PLPP4: variants seen among roughly 807,000 people sequenced by gnomAD.
PLPP4 encodes the protein diacylglycerol pyrophosphate like 2.
In PLPP4, 20 loss-of-function variants were observed where a neutral mutation model predicts 32.2. That is an observed-to-expected ratio of 0.62 (90% confidence interval 0.44 to 0.90). The LOEUF (loss-of-function observed/expected upper bound fraction) is 0.90. PLPP4 is among the 40% of genes least tolerant of loss of function. The pLI is 0.00. For missense variants in PLPP4, 257 were observed against 353.1 expected (o/e 0.73, Z 2.18); for synonymous variants, 127 against 133.0 (o/e 0.95, Z 0.31).
chr10:120,473,742 T>C (rs1387647922), intron 1 of PLPP4, among the ~76,000 whole-genome samples: 2 of 152,120 alleles, frequency 1.3e-5, no homozygotes, highest in Non-Finnish European at 2.9e-5. Flanking sequence ...GATCTGGTTG[T>C]TTGAAAGTGA....
chr10:120,500,383 G>A (rs1845186339), intron 1 of PLPP4, among the ~76,000 whole-genome samples: 2 of 152,214 alleles, frequency 1.3e-5, no homozygotes, highest in South Asian at 4.2e-4. Context: ...CCTGTGGGTG[G>A]CAGAATATAT....
At chr10:120,583,694 T>C (rs1381365370) in intron 6 of PLPP4, among the ~76,000 whole-genome samples, 2 of 152,182 alleles carry the variant, frequency 1.3e-5, no homozygotes, top group Non-Finnish European at 2.9e-5. Flanking sequence ...AACCATACAA[T>C]GTGTGGCCAT....
At chr10:120,518,931 C>G (rs1258854071) in intron 4 of PLPP4, 35 bp downstream of exon 4, 1 of 1,559,182 alleles carries the variant, frequency 6.4e-7, no homozygotes, top group Admixed American at 1.7e-5. Flanking sequence ...GTGACTTAGA[C>G]TATCAAGGTC....
intron 5 of PLPP4, among the ~76,000 whole-genome samples, chr10:120,522,828 G>A (rs11199375): frequency 0.067 from 10,137 of 152,242 alleles, 438 homozygotes; most frequent in South Asian, 0.16. Flanking sequence ...TTGTTTGACT[G>A]TCGTAATCCT....
chr10:120,464,935 C>CT (rs1370477252), intron 1 of PLPP4, among the ~76,000 whole-genome samples: 1 of 152,196 alleles, frequency 6.6e-6, no homozygotes. Context: ...TGAAATACTA[C>CT]TTGCCACTGT....
At chr10:120,516,316 A>C (rs1025999221) in intron 3 of PLPP4, among the ~76,000 whole-genome samples, 2 of 152,208 alleles carry the variant, frequency 1.3e-5, no homozygotes, top group Admixed American at 6.5e-5. Flanking sequence ...ACTTTAACCC[A>C]GGCTTCCAAA....
Position 120,457,284 on chromosome 10 carries a change from CGGGAG to C in PLPP4, c.-21_-17del, listed in dbSNP as rs1847823986. The C allele has an allele frequency of 9.4e-6, 14 of 1,482,258 alleles. No homozygotes were observed. Among genetic ancestry groups the C allele is most frequent in the African/African-American group, 1.4e-5 (1 of 68,988 alleles). The allele number at this position is 1,482,258 out of a possible 1,614,324, so 91.8% of individuals were successfully genotyped here. On this transcript the variant is annotated 5_prime_UTR_variant, in exon 1 of 7. Transcript: ENST00000398250. ...CCGCGGAGAGCACCAGCTGACGCCG[CGGGAG>C]CTGCTCCGGCCGCACCATGCGGGAG...
intron 5 of PLPP4, among the ~76,000 whole-genome samples, chr10:120,522,610 G>T (rs1361496257): frequency 6.6e-6 from 1 of 152,186 alleles, no homozygotes; most frequent in Non-Finnish European, 1.5e-5. Context: ...TAGTTTGTTG[G>T]AAACGGTGGT....
At chr10:120,479,991 T>C (rs1844122592) in intron 1 of PLPP4, among the ~76,000 whole-genome samples, 1 of 152,252 alleles carries the variant, frequency 6.6e-6, no homozygotes, top group Non-Finnish European at 1.5e-5. Flanking sequence ...GATTTGCAGC[T>C]GATAATCCGA....
At chr10:120,538,844 T>C (rs1847195854) in intron 5 of PLPP4, among the ~76,000 whole-genome samples, 1 of 152,320 alleles carries the variant, frequency 6.6e-6, no homozygotes, top group South Asian at 2.1e-4. Context: ...CTAGCCCTAT[T>C]GTCCAGTTGA....
rs3066602 is a variant in PLPP4 at position 120,531,895 on chromosome 10, C to CACACAT, written c.445+10801_445+10802insCACATA. 5.2e-3 allele frequency among the ~76,000 whole-genome samples: 732 copies of CACACAT among 140,428 alleles called. 2 individuals are homozygous for CACACAT. Among genetic ancestry groups the CACACAT allele is most frequent in the South Asian group, 0.015 (60 of 4,096 alleles). 92.1% of individuals were successfully genotyped at this position (140,428 alleles called of 152,430 possible). A position where few individuals can be genotyped will look rare whatever the true frequency, so the allele number is the denominator to read the frequency against. ...CACTACACACACACACACACACACA[C>CACACAT]ATATATATATATATACACACATACA... On this transcript the variant is annotated intron_variant, in intron 5 of 6. Transcript: ENST00000398250.
chr10:120,581,321 C>T, intron 6 of PLPP4: 1 of 984,930 alleles, frequency 1.0e-6, no homozygotes, highest in Non-Finnish European at 1.2e-6. Flanking sequence ...CCAACTTTTC[C>T]TTCCCACTCT....
At chr10:120,510,131 G>C (rs146086707) in intron 2 of PLPP4, among the ~76,000 whole-genome samples, 76 of 152,292 alleles carry the variant, frequency 5.0e-4, no homozygotes, top group African/African-American at 1.5e-3. Flanking sequence ...GCCTAGAATA[G>C]ACTATAGTCC....
chr10:120,507,277 A>G (rs1477882879), intron 2 of PLPP4, among the ~76,000 whole-genome samples: 1 of 152,022 alleles, frequency 6.6e-6, no homozygotes, highest in African/African-American at 2.4e-5. Context: ...TTAGGATGGT[A>G]CTCTAATACA....
At chr10:120,531,397 C>G (rs1452601901) in intron 5 of PLPP4, among the ~76,000 whole-genome samples, 1 of 152,038 alleles carries the variant, frequency 6.6e-6, no homozygotes, top group Non-Finnish European at 1.5e-5. Context: ...AGCCACCGTG[C>G]CTGGCAGCCT....
intron 5 of PLPP4, among the ~76,000 whole-genome samples, chr10:120,538,034 CTCTCTCTCTCTCTCTCTCTG>C (rs1564825089): frequency 5.1e-5 from 3 of 58,438 alleles, no homozygotes; most frequent in Admixed American, 2.1e-4. Context: ...CTCTCTCTCT[CTCTCTCTCTCTCTCTCTCTG>C]TGTGTGTGTG....
chr10:120,575,049 C>T (rs4751791), intron 5 of PLPP4, 82 bp from the exon 6 acceptor site: 517,973 of 1,459,132 alleles, frequency 0.35, 94,572 homozygotes, highest in East Asian at 0.38. Flanking sequence ...GTGTGCAAGA[C>T]GGCAGACGGA....
chr10:120,562,569 C>T (rs144679898), intron 5 of PLPP4, among the ~76,000 whole-genome samples: 1 of 152,200 alleles, frequency 6.6e-6, no homozygotes, highest in Admixed American at 6.5e-5. Flanking sequence ...GCTAGATATT[C>T]TTTATCAGGT....
intron 6 of PLPP4, among the ~76,000 whole-genome samples, chr10:120,575,992 A>G (rs958768885): frequency 6.6e-5 from 10 of 152,240 alleles, no homozygotes; most frequent in Admixed American, 5.2e-4. Context: ...TGTCCATGGG[A>G]GGTGTGGCCT....
Sources: allele counts gnomAD v4.1 joint callset (sites outside exome capture counted in the v4.1 genomes callset), GRCh38; gene constraint gnomAD v4.1.1; transcripts MANE v1.5; gene names NCBI Gene and HGNC (gene_info 2026-07-23, HGNC 2026-07-21).